RAB38: variants seen among roughly 807,000 people sequenced by gnomAD.
RAB38 encodes the protein ras-related protein Rab-38.
A neutral mutation model predicts 18.4 loss-of-function variants in RAB38; 15 were observed. That is an observed-to-expected ratio of 0.82 (90% confidence interval 0.55 to 1.26). The LOEUF is 1.26. Among genes scored for constraint, RAB38 ranks in the 50% most tolerant of loss-of-function variants. RAB38 has a pLI of 0.00. For missense variants in RAB38, 294 were observed against 267.4 expected, an observed-to-expected ratio of 1.10 and a Z score of -0.69; for synonymous variants, 101 against 104.4, an observed-to-expected ratio of 0.97 and a Z score of 0.20.
At chr11:88,138,068 A>C (rs952554848) in intron 2 of RAB38, among the ~76,000 whole-genome samples, 10 of 152,218 alleles carry the variant, frequency 6.6e-5, no homozygotes, top group African/African-American at 2.4e-4. Context: ...AAACAGGACA[A>C]ATAAATGGAA....
chr11:88,094,871 C>T, the RAB38 span, among the ~76,000 whole-genome samples: 4 of 151,880 alleles, frequency 2.6e-5, no homozygotes, highest in East Asian at 7.8e-4. Context: ...GATTATTTCA[C>T]ACCTTTTCAT....
the RAB38 span, among the ~76,000 whole-genome samples, chr11:87,866,941 G>T: frequency 6.6e-6 from 1 of 151,776 alleles, no homozygotes; most frequent in Admixed American, 6.6e-5. Flanking sequence ...GAGTTCTAGG[G>T]TAGAGTTGGA....
At chr11:87,886,820 A>C in the RAB38 span, among the ~76,000 whole-genome samples, 1 of 128,318 alleles carries the variant, frequency 7.8e-6, no homozygotes, top group African/African-American at 2.7e-5. Flanking sequence ...ATGCTGAAGC[A>C]CTTGTTTTTT....
At chr11:87,953,178 C>G in the RAB38 span, among the ~76,000 whole-genome samples, 1 of 151,980 alleles carries the variant, frequency 6.6e-6, no homozygotes, top group Non-Finnish European at 1.5e-5. Context: ...AATATACAAG[C>G]TAGATAAAGT....
chr11:88,139,339 T>C (rs73528911), intron 2 of RAB38, among the ~76,000 whole-genome samples: 3 of 152,334 alleles, frequency 2.0e-5, no homozygotes, highest in African/African-American at 7.2e-5. Context: ...GCCTCTCTTA[T>C]TCTTGGCAAC....
At chr11:88,129,930 G>T (rs1379053626) in intron 2 of RAB38, among the ~76,000 whole-genome samples, 1 of 151,042 alleles carries the variant, frequency 6.6e-6, no homozygotes, top group Non-Finnish European at 1.5e-5. Context: ...ATTCAAAGGT[G>T]TGGAACAAAA....
the RAB38 span, among the ~76,000 whole-genome samples, chr11:87,875,704 T>C: frequency 2.0e-5 from 3 of 151,738 alleles, no homozygotes; most frequent in Admixed American, 1.3e-4. Context: ...ATTTTTTCTC[T>C]AGAAATGTAA....
intron 2 of RAB38, 76 bp downstream of exon 2, chr11:88,149,599 G>A: frequency 6.9e-7 from 1 of 1,449,404 alleles, no homozygotes; most frequent in Non-Finnish European, 9.4e-7. Flanking sequence ...TTATCATTAT[G>A]ATGATGGTGA....
the RAB38 span, among the ~76,000 whole-genome samples, chr11:87,943,494 T>C: frequency 4.3e-4 from 66 of 152,256 alleles, no homozygotes; most frequent in African/African-American, 1.5e-3. Flanking sequence ...GATGCCGTGG[T>C]TTTGTGCAAA....
At chr11:88,157,938 C>G (rs1215928597) in intron 1 of RAB38, among the ~76,000 whole-genome samples, 1 of 151,764 alleles carries the variant, frequency 6.6e-6, no homozygotes, top group Non-Finnish European at 1.5e-5. Flanking sequence ...CAGAGCAGAA[C>G]AGAATGAAAT....
the RAB38 span, among the ~76,000 whole-genome samples, chr11:87,960,388 G>GAAAAAAAAAAAAAA: frequency 7.0e-6 from 1 of 142,110 alleles, no homozygotes. Flanking sequence ...ACAAAAAAAA[G>GAAAAAAAAAAAAAA]AAAAAAAGAG....
At chr11:87,897,935 A>G in the RAB38 span, among the ~76,000 whole-genome samples, 12 of 151,752 alleles carry the variant, frequency 7.9e-5, no homozygotes, top group Non-Finnish European at 1.3e-4. Flanking sequence ...CCTTGTCATC[A>G]TATAATTATA....
chr11:88,053,354 C>T, the RAB38 span, among the ~76,000 whole-genome samples: 238 of 51,878 alleles, frequency 4.6e-3, 2 homozygotes, highest in African/African-American at 0.013. Flanking sequence ...TATATATATA[C>T]ACACACATAT....
At chr11:87,942,934 G>A in the RAB38 span, among the ~76,000 whole-genome samples, 5 of 152,172 alleles carry the variant, frequency 3.3e-5, no homozygotes, top group Admixed American at 2.0e-4. Context: ...TGAGTTGGCT[G>A]CATCTTTGTT....
chr11:88,166,570 A>T (rs1943247405), intron 1 of RAB38: 1 of 152,100 alleles, frequency 6.6e-6, no homozygotes, highest in Non-Finnish European at 1.5e-5. Context: ...CAGGGTTTTA[A>T]TTCTGTAAAA....
chr11:88,015,565 G>C, the RAB38 span, among the ~76,000 whole-genome samples: 2 of 152,114 alleles, frequency 1.3e-5, no homozygotes, highest in Non-Finnish European at 2.9e-5. Flanking sequence ...ATATGGAAAT[G>C]TGTTAATCAT....
At chr11:88,022,849 A>ACATATGCATG in the RAB38 span, among the ~76,000 whole-genome samples, 1 of 152,164 alleles carries the variant, frequency 6.6e-6, no homozygotes, top group African/African-American at 2.4e-5. Context: ...GCTGCAATGA[A>ACATATGCATG]CATATGCATG....
chr11:87,884,913 G>T, the RAB38 span, among the ~76,000 whole-genome samples: 1 of 151,998 alleles, frequency 6.6e-6, no homozygotes, highest in East Asian at 2.0e-4. Flanking sequence ...TTATGGCCCT[G>T]GATCAGGTAG....
the RAB38 span, among the ~76,000 whole-genome samples, chr11:88,095,712 A>G: frequency 6.6e-6 from 1 of 152,018 alleles, no homozygotes; most frequent in East Asian, 1.9e-4. Flanking sequence ...CATATGTCCA[A>G]CTACCTATCT....
Sources: gnomAD v4.1 joint callset for allele counts (sites outside exome capture counted in the v4.1 genomes callset) on GRCh38, gnomAD v4.1.1 for gene constraint, MANE v1.5 for transcripts, NCBI Gene and HGNC (gene_info 2026-07-23, HGNC 2026-07-21) for gene names.